Variants in PLEKHG1 observed in about 807,000 individuals in gnomAD.
PLEKHG1 encodes pleckstrin homology and RhoGEF domain containing G1, also known as pleckstrin homology domain-containing family G member 1.
In PLEKHG1, 44 loss-of-function variants were observed where a neutral mutation model predicts 100.8. The observed-to-expected ratio is 0.44, with a 90% CI of 0.34 to 0.56. The LOEUF is 0.56. Ranked by LOEUF, PLEKHG1 falls within the 20% of genes least tolerant of loss-of-function variation. The probability of loss-of-function intolerance (pLI) is 0.01; values close to 1 mark genes in which losing one functional copy is unlikely to be tolerated. For synonymous variants in PLEKHG1, 640 were observed against 662.5 expected (o/e 0.97, Z 0.52); for missense variants, 1,545 against 1,720.9 (o/e 0.90, Z 1.81).
At chr6:150,723,144 G>C (rs1450704361) in intron 1 of PLEKHG1, among the ~76,000 whole-genome samples, 2 of 152,130 alleles carry the variant, frequency 1.3e-5, no homozygotes, top group African/African-American at 2.4e-5. Context: ...TTCAGGATTG[G>C]AGTCATGGCC....
At chr6:150,819,057 C>T (rs1021873071) in intron 11 of PLEKHG1, among the ~76,000 whole-genome samples, 7 of 151,904 alleles carry the variant, frequency 4.6e-5, no homozygotes, top group African/African-American at 9.7e-5. Context: ...AGCTCCCCAG[C>T]GGAGTGCTAG....
chr6:150,728,478 A>G (rs1782069721), intron 1 of PLEKHG1, among the ~76,000 whole-genome samples: 1 of 151,894 alleles, frequency 6.6e-6, no homozygotes, highest in African/African-American at 2.4e-5. Flanking sequence ...GGTCCCAGCT[A>G]TTTGGGAGGC....
chr6:150,674,706 G>A (rs969558501), intron 3 of PLEKHG1, among the ~76,000 whole-genome samples: 3 of 118,146 alleles, frequency 2.5e-5, no homozygotes, highest in African/African-American at 6.7e-5. Context: ...TTCTTTCCAT[G>A]GAGTCTCGCT....
intron 15 of PLEKHG1, among the ~76,000 whole-genome samples, chr6:150,838,865 C>G (rs1188085348): frequency 6.6e-6 from 1 of 152,134 alleles, no homozygotes. Flanking sequence ...CTTTAGTGCT[C>G]TGCTTCTTGG....
chr6:150,660,154 C>A (rs2128579598), intron 3 of PLEKHG1, among the ~76,000 whole-genome samples: 1 of 152,018 alleles, frequency 6.6e-6, no homozygotes, highest in South Asian at 2.1e-4. Context: ...AAGTGATCTG[C>A]CTGCCTCAGC....
rs1158670858 is a variant in PLEKHG1 at position 150,750,780 on chromosome 6, CAAAAAAA to C, written c.411+16705_411+16711del. On this transcript the variant is annotated intron_variant, in intron 2 of 15. Transcript: ENST00000358517. The stretch of plus-strand genomic sequence containing the variant: ...TGGGCGACAGAGCGAGACTCCATCT[CAAAAAAA>C]AAAAAAAAAAAAAAAAGGCGGCACA... Among the ~76,000 whole-genome samples, 455 of 37,404 alleles carry C rather than the reference CAAAAAAA, an allele frequency of 0.012. 20 individuals carry two copies. The East Asian group carries it at 0.18, about 14-fold the overall frequency. 24.5% of individuals were successfully genotyped at this position (37,404 alleles called of 152,430 possible). A position where few individuals can be genotyped will look rare whatever the true frequency, so the allele number is the denominator to read the frequency against.
intron 2 of PLEKHG1, among the ~76,000 whole-genome samples, chr6:150,762,499 C>G (rs1051291629): frequency 2.6e-5 from 4 of 152,002 alleles, no homozygotes; most frequent in Non-Finnish European, 4.4e-5. Flanking sequence ...GTGCCCGGCC[C>G]AACCCTCTCT....
chr6:150,652,587 G>C (rs935723953), intron 3 of PLEKHG1, among the ~76,000 whole-genome samples: 1 of 151,960 alleles, frequency 6.6e-6, no homozygotes, highest in African/African-American at 2.4e-5. Context: ...GGGCGTGGTG[G>C]CTCATGCCTG....
intron 2 of PLEKHG1, among the ~76,000 whole-genome samples, chr6:150,643,973 C>A (rs1299805494): frequency 6.6e-6 from 1 of 151,696 alleles, no homozygotes; most frequent in Non-Finnish European, 1.5e-5. Context: ...CTTGAATTTG[C>A]AAGGAAAGCT....
chr6:150,657,399 G>A (rs1191543202), intron 3 of PLEKHG1, among the ~76,000 whole-genome samples: 4 of 152,164 alleles, frequency 2.6e-5, no homozygotes, highest in South Asian at 2.1e-4. Flanking sequence ...AATGGGCTTC[G>A]CTTGTGAAAG....
chr6:150,733,899 C>T, exon 2 of PLEKHG1: 1 of 1,614,202 alleles, frequency 6.2e-7, no homozygotes, highest in South Asian at 1.1e-5. Flanking sequence ...GACAACCCCG[C>T]CACGGGGCAA....
At chr6:150,616,775 A>G (rs374616201) in intron 1 of PLEKHG1, among the ~76,000 whole-genome samples, 33 of 152,366 alleles carry the variant, frequency 2.2e-4, no homozygotes, top group South Asian at 1.0e-3. Context: ...AATATGCACT[A>G]CTTGCCTGCT....
At chr6:150,805,897 G>A (rs73783119) in intron 7 of PLEKHG1, among the ~76,000 whole-genome samples, 1,780 of 152,234 alleles carry the variant, frequency 0.012, 37 homozygotes, top group African/African-American at 0.041. Flanking sequence ...TTTGAGCCCT[G>A]AATCTTAAGG....
Position 150,749,801 on chromosome 6 carries a change from C to G in PLEKHG1, c.411+15709C>G, listed in dbSNP as rs7453338. 4.2e-3 allele frequency among the ~76,000 whole-genome samples: 639 copies of G among 152,150 alleles called. 2 individuals are homozygous for G. Among genetic ancestry groups the G allele is most frequent in the African/African-American group, 0.015 (614 of 41,468 alleles). ...GAAAATGCACCCAAAGGGCTGGGAG[C>G]GGTGGCTCATGCCTGTAATCCCAGC... On this transcript the variant is annotated intron_variant, in intron 2 of 15. Coordinates refer to ENST00000358517, the Ensembl canonical transcript of PLEKHG1.
At chr6:150,795,986 G>A in intron 5 of PLEKHG1, 84 bp downstream of exon 6, 2 of 864,938 alleles carry the variant, frequency 2.3e-6, no homozygotes, top group Admixed American at 3.5e-5. Flanking sequence ...ATGGTTGTTA[G>A]GCATTCTGTG....
intron 3 of PLEKHG1, among the ~76,000 whole-genome samples, chr6:150,699,490 C>G (rs1780681270): frequency 6.6e-6 from 1 of 152,212 alleles, no homozygotes; most frequent in Non-Finnish European, 1.5e-5. Context: ...ACATTTTAGA[C>G]TCTGAGGTCT....
At chr6:150,687,736 C>T (rs956613829) in intron 3 of PLEKHG1, among the ~76,000 whole-genome samples, 2 of 152,170 alleles carry the variant, frequency 1.3e-5, no homozygotes, top group African/African-American at 2.4e-5. Flanking sequence ...TGGCCTGCTG[C>T]CCCTCCATGC....
chr6:150,760,103 T>A (rs1307803503), intron 2 of PLEKHG1, among the ~76,000 whole-genome samples: 1 of 152,230 alleles, frequency 6.6e-6, no homozygotes, highest in Non-Finnish European at 1.5e-5. Flanking sequence ...TTTCCCCATA[T>A]TAAAAACCCT....
chr6:150,657,120 A>G (rs1448639341), intron 3 of PLEKHG1, among the ~76,000 whole-genome samples: 1 of 152,136 alleles, frequency 6.6e-6, no homozygotes, highest in African/African-American at 2.4e-5. Flanking sequence ...AACTACCTCC[A>G]ATCTAGTAAG....
Sources: allele counts gnomAD v4.1 joint callset (sites outside exome capture counted in the v4.1 genomes callset), GRCh38; gene constraint gnomAD v4.1.1; transcripts MANE v1.5; gene names NCBI Gene and HGNC (gene_info 2026-07-23, HGNC 2026-07-21).